M1AP: variants seen among roughly 807,000 people sequenced by gnomAD.
M1AP encodes meiosis 1 arrest protein.
In M1AP, 39 loss-of-function variants were observed where a neutral mutation model predicts 51.2. The ratio of observed to expected loss-of-function variants is 0.76; its 90% CI spans 0.59 to 1.00. The LOEUF (loss-of-function observed/expected upper bound fraction) is 1.00, where lower values mean the gene tolerates loss of function less well. M1AP is among the 50% of genes least tolerant of loss of function. M1AP has a pLI of 0.00. For missense variants in M1AP, 545 were observed against 641.2 expected (o/e 0.85, Z 1.62); for synonymous variants, 251 against 249.2 (o/e 1.01, Z -0.07).
chr2:74,643,296 GATGA>G (rs1409106063), intron 1 of M1AP, among the ~76,000 whole-genome samples: 2 of 152,048 alleles, frequency 1.3e-5, no homozygotes, highest in Admixed American at 6.6e-5. Flanking sequence ...CAGCAATGAA[GATGA>G]ATGAACTGCA....
intron 2 of M1AP, among the ~76,000 whole-genome samples, chr2:74,617,512 C>A (rs1199324608): frequency 1.3e-5 from 2 of 152,188 alleles, no homozygotes; most frequent in East Asian, 3.8e-4. Flanking sequence ...ACAACACACA[C>A]TGGGGCCTGT....
intron 5 of M1AP, among the ~76,000 whole-genome samples, chr2:74,579,611 G>A (rs1377363573): frequency 6.6e-6 from 1 of 152,058 alleles, no homozygotes; most frequent in Non-Finnish European, 1.5e-5. Context: ...TTGATTCTAA[G>A]ACACATTTTT....
Position 74,562,357 on chromosome 2 carries a change from C to T in M1AP, c.1141G>A (p.Ala381Thr). The T allele has an allele frequency of 6.2e-7, 1 of 1,614,254 alleles. No individual in the cohort carries two copies. Among genetic ancestry groups the T allele is most frequent in the Non-Finnish European group, 8.5e-7 (1 of 1,180,050 alleles). Residue 381 changes from alanine (A) to threonine (T), a missense_variant, in exon 8 of 11, where the codon GCC becomes ACC. By Grantham distance (58) the Ala-to-Thr change is moderately conservative. Transcript: ENST00000421985. ...PGPGHSQRIP[A>T]STFYVIMPSH... The stretch of plus-strand genomic sequence containing the variant: ...GGCATGATCACATAGAAGGTGCTGG[C>T]AGGAATTCTCTGGCTGTGTCCTGGG...
chr2:74,622,809 A>G (rs1478335959), intron 2 of M1AP, among the ~76,000 whole-genome samples: 1 of 152,028 alleles, frequency 6.6e-6, no homozygotes, highest in African/African-American at 2.4e-5. Context: ...GGTAAAATAC[A>G]GGGGCAAAAA....
At chr2:74,569,531 C>T (rs1274928710) in intron 7 of M1AP, among the ~76,000 whole-genome samples, 1 of 151,952 alleles carries the variant, frequency 6.6e-6, no homozygotes, top group Non-Finnish European at 1.5e-5. Context: ...TGTGCCACCA[C>T]CCCCAGCTAA....
intron 3 of M1AP, among the ~76,000 whole-genome samples, chr2:74,610,793 A>G (rs1360682867): frequency 2.0e-5 from 3 of 152,182 alleles, no homozygotes; most frequent in African/African-American, 7.2e-5. Flanking sequence ...TTCCTCATTC[A>G]GTATGAGTTA....
intron 1 of M1AP, among the ~76,000 whole-genome samples, chr2:74,643,864 G>A (rs1280904784): frequency 6.6e-6 from 1 of 152,014 alleles, no homozygotes; most frequent in East Asian, 1.9e-4. Context: ...CCAAAGTACT[G>A]GGATTACAGG....
At chr2:74,592,923 T>C (rs925850083) in intron 4 of M1AP, among the ~76,000 whole-genome samples, 3 of 152,238 alleles carry the variant, frequency 2.0e-5, no homozygotes, top group African/African-American at 4.8e-5. Context: ...TTAATATCTA[T>C]ATTCGTGCCT....
At chr2:74,639,958 T>C in intron 2 of M1AP, 78 bp downstream of exon 2, 2 of 1,265,854 alleles carry the variant, frequency 1.6e-6, no homozygotes, top group Non-Finnish European at 2.3e-6. Flanking sequence ...TAAGTATTAA[T>C]AACTGTGATC....
intron 4 of M1AP, among the ~76,000 whole-genome samples, chr2:74,585,092 C>G (rs1299127624): frequency 6.6e-6 from 1 of 152,090 alleles, no homozygotes; most frequent in Non-Finnish European, 1.5e-5. Flanking sequence ...ATCCATCTGC[C>G]TTGACCTCCC....
At chr2:74,634,203 C>T (rs545186837) in intron 2 of M1AP, among the ~76,000 whole-genome samples, 3 of 152,188 alleles carry the variant, frequency 2.0e-5, no homozygotes, top group East Asian at 3.9e-4. Context: ...GCAAATAGAG[C>T]GATTTGTCTG....
At chr2:74,597,685 G>A (rs1680422722) in intron 4 of M1AP, among the ~76,000 whole-genome samples, 1 of 152,186 alleles carries the variant, frequency 6.6e-6, no homozygotes, top group African/African-American at 2.4e-5. Context: ...TGATATCCTT[G>A]TGTATGACTG....
At chr2:74,600,652 T>C (rs1468268160) in intron 4 of M1AP, among the ~76,000 whole-genome samples, 2 of 152,080 alleles carry the variant, frequency 1.3e-5, no homozygotes, top group African/African-American at 2.4e-5. Context: ...AGTTCCTAGT[T>C]CTCCTTCAAG....
Position 74,643,384 on chromosome 2 carries a change from ACACATG to A in M1AP, c.-52-3063_-52-3058del, listed in dbSNP as rs960925932. ...AAGCAGCAAGACACAAAGAATACAT[ACACATG>A]TAGCATGATTTCATCTACATTTTAA... On this transcript the variant is annotated intron_variant, in intron 1 of 10. Transcript: ENST00000421985. Among the ~76,000 whole-genome samples the A allele has an allele frequency of 1.1e-3, 171 of 151,880 alleles. 1 individual carries two copies. The highest frequency in any genetic ancestry group is 3.7e-3 in the African/African-American group (153 of 41,158).
In M1AP at chr2:74,565,811, AGAGT is replaced by A. The variant is rs1678338985; in HGVS notation, c.1075-3392_1075-3389del. Among the ~76,000 whole-genome samples the A allele has an allele frequency of 2.1e-5, 3 of 145,104 alleles. 1 individual carries two copies. The East Asian group carries it at 6.0e-4, about 29-fold the overall frequency. ...ACCACTGCCCTCCAGCCTGGGCAACAGAGTGAGATGCCGTCACACACACACACAC... is the reference window on the plus strand; with the variant it reads ...ACCACTGCCCTCCAGCCTGGGCAACAGAGATGCCGTCACACACACACACAC... On this transcript the variant is annotated intron_variant, in intron 7 of 10. Transcript: ENST00000421985.
At chr2:74,583,835 T>C (rs933014831) in intron 4 of M1AP, among the ~76,000 whole-genome samples, 6 of 152,332 alleles carry the variant, frequency 3.9e-5, no homozygotes, top group Middle Eastern at 3.4e-3. Flanking sequence ...AATGACTTCA[T>C]GTCATATTTA....
chr2:74,598,115 C>T (rs1401395810), intron 4 of M1AP, among the ~76,000 whole-genome samples: 3 of 152,192 alleles, frequency 2.0e-5, no homozygotes, highest in African/African-American at 7.2e-5. Context: ...GATGCGCTGG[C>T]TCACACCTGT....
chr2:74,599,961 T>G (rs1680583968), intron 4 of M1AP, among the ~76,000 whole-genome samples: 1 of 152,002 alleles, frequency 6.6e-6, no homozygotes, highest in African/African-American at 2.4e-5. Context: ...GTGCCTAAAC[T>G]TTTTTGGTAG....
At chr2:74,647,310 G>A (rs928079438) in intron 1 of M1AP, 1 of 985,334 alleles carries the variant, frequency 1.0e-6, no homozygotes, top group Non-Finnish European at 1.2e-6. Context: ...GTCTGCCTCT[G>A]CGGATGTTCT....
Sources: allele counts gnomAD v4.1 joint callset (sites outside exome capture counted in the v4.1 genomes callset), GRCh38; gene constraint gnomAD v4.1.1; transcripts MANE v1.5; gene names NCBI Gene and HGNC (gene_info 2026-07-23, HGNC 2026-07-21).